Variants in RIOK2 observed in about 807,000 individuals in gnomAD.
RIOK2 encodes the protein serine/threonine-protein kinase RIO2.
Under a neutral mutation model 62.4 loss-of-function variants are expected in RIOK2, and 46 were observed. The observed-to-expected ratio is 0.74, with a 90% CI of 0.58 to 0.94. The LOEUF is 0.94. Among genes scored for constraint, RIOK2 ranks in the 40% least tolerant of loss-of-function variants. RIOK2 has a pLI of 0.00. For synonymous variants in RIOK2, 197 were observed against 216.0 expected, an observed-to-expected ratio of 0.91 and a Z score of 0.77; for missense variants, 574 against 658.0, an observed-to-expected ratio of 0.87 and a Z score of 1.40.
At chr5:97,183,062 C>G in intron 1 of RIOK2, 64 bp downstream of exon 1, 1 of 1,563,154 alleles carries the variant, frequency 6.4e-7, no homozygotes, top group Non-Finnish European at 8.8e-7. Flanking sequence ...AGAAAACTTG[C>G]AGGAACAGGA....
chr5:97,178,834 C>A, intron 2 of RIOK2: 1 of 577,738 alleles, frequency 1.7e-6, no homozygotes, highest in Non-Finnish European at 3.1e-6. Flanking sequence ...TGCTCTTCTG[C>A]AGTACCTACA....
rs181184964 is a variant in RIOK2, at chr5:97,178,781, T to C, written c.205+274A>G. On this transcript the variant is annotated intron_variant, in intron 2 of 9. Transcript: ENST00000283109. ...ACATGCTCTTCTGCAGTACTCTACA[T>C]GCTCTTCTGCAGTACTCTACGTGCT... The C allele has an allele frequency of 5.7e-3, 2,577 of 452,118 alleles. 67 individuals are homozygous for C. The highest frequency in any genetic ancestry group is 0.048 in the African/African-American group (2,404 of 49,670). 28.0% of individuals were successfully genotyped at this position (452,118 alleles called of 1,614,324 possible).
Position 97,163,203 on chromosome 5 carries a change from T to G in RIOK2, c.1517A>C (p.Lys506Thr). 1 of 1,613,618 alleles carries G rather than the reference T, an allele frequency of 6.2e-7. No individual in the cohort carries two copies. The highest frequency in any genetic ancestry group is 8.5e-7 in the Non-Finnish European group (1 of 1,179,876). ...TTTTTGCTGTTTTGTCAACTGACGT[T>G]TCACCTTCTGTTTCACCAGTTCCTG... ...IPPELVKQKV[K>T]RQLTKQQKSA... Residue 506 changes from lysine (K) to threonine (T), a missense_variant, in exon 10 of 10, where the codon AAA (lysine) becomes ACA (threonine). Physicochemically the swap from Lys to Thr is moderately conservative, Grantham distance 78 (BLOSUM62 -1). Transcript: ENST00000283109.
In RIOK2 at chr5:97,175,059, A is replaced by AAAATAAATAAAT. The variant is rs78028300; in HGVS notation, c.499-1808_499-1797dup. Among the ~76,000 whole-genome samples the AAAATAAATAAAT allele has an allele frequency of 5.0e-3, 751 of 151,108 alleles. 4 individuals are homozygous for AAAATAAATAAAT. Among genetic ancestry groups the AAAATAAATAAAT allele is most frequent in the South Asian group, 8.0e-3 (38 of 4,752 alleles). On this transcript the variant is annotated intron_variant, in intron 4 of 9. Transcript: ENST00000283109. ...GGTGACAGAGTGAGACCTTGTCTTG[A>AAAATAAATAAAT]AAATAAATAAATAAATAAATAAATA...
intron 7 of RIOK2, 89 bp from the exon 8 acceptor site, chr5:97,168,080 C>A (rs944173910): frequency 4.8e-5 from 64 of 1,336,210 alleles, no homozygotes; most frequent in Non-Finnish European, 6.0e-5. Context: ...AATTATGATT[C>A]AAGTGAGTTT....
At position 97,177,971 on chromosome 5, in the gene RIOK2, G is replaced by A. The variant is rs1449895068; in HGVS notation, c.206-123C>T. On this transcript the variant is annotated intron_variant, in intron 2 of 9. Transcript: ENST00000283109. ...TCATTGGAAAAAGATAAACTGCCCA[G>A]GCTCACAAGCTTCCAATTTCTTCCT... The A allele has an allele frequency of 5.7e-5, 36 of 627,282 alleles. 1 individual carries two copies. Among genetic ancestry groups the A allele is most frequent in the Non-Finnish European group, 1.0e-4 (36 of 359,420 alleles). 38.9% of individuals were successfully genotyped at this position (627,282 alleles called of 1,614,324 possible).
chr5:97,177,387 G>A (rs1228812426), intron 3 of RIOK2, 96 bp from the exon 4 acceptor site: 1 of 1,194,996 alleles, frequency 8.4e-7, no homozygotes, highest in East Asian at 2.5e-5. Context: ...TATCAAAAAT[G>A]TCATTTTTCC....
Position 97,179,506 on chromosome 5 carries a change from T to A in RIOK2, c.67-313A>T, listed in dbSNP as rs1346912065. ...TAAAAACTACAGATATGCCAGATATTTATTAAGCAGGTATTTAATGAGAAA... is the reference window on the plus strand; with the variant it reads ...TAAAAACTACAGATATGCCAGATATATATTAAGCAGGTATTTAATGAGAAA... On this transcript the variant is annotated intron_variant, in intron 1 of 9. Transcript: ENST00000283109. Among the ~76,000 whole-genome samples, 4 of 152,056 alleles carry A rather than the reference T, an allele frequency of 2.6e-5. No homozygotes were observed. In the East Asian group the frequency reaches 7.7e-4, roughly 29 times the overall value.
Position 97,167,150 on chromosome 5 carries a change from C to T in RIOK2, c.1397+317G>A, listed in dbSNP as rs1053618843. The T allele has an allele frequency of 6.6e-6, 7 of 1,057,754 alleles. No individual in the cohort carries two copies. The South Asian group carries it at 1.9e-4, about 28-fold the overall frequency. The allele number at this position is 1,057,754 out of a possible 1,614,324, so 65.5% of individuals were successfully genotyped here. A position where few individuals can be genotyped will look rare whatever the true frequency, so the allele number is the denominator to read the frequency against. On this transcript the variant is annotated intron_variant, in intron 8 of 9. Transcript: ENST00000283109. ...CTGGCTGGTCTCAAACTCCTGACCT[C>T]AGGTGATTTGCCTGCCTTGGCCTCC...
chr5:97,167,264 A>G, intron 8 of RIOK2: 2 of 1,425,910 alleles, frequency 1.4e-6, no homozygotes, highest in Non-Finnish European at 1.8e-6. Context: ...AATTTAGTCA[A>G]TAGGCTGCCT....
chr5:97,167,608 T>C lies in RIOK2; in HGVS notation c.1256A>G (p.Glu419Gly), dbSNP rs746829973. 79 of 1,614,108 alleles carry C rather than the reference T, an allele frequency of 4.9e-5. 1 individual carries two copies. Among genetic ancestry groups the C allele is most frequent in the Admixed American group, 4.8e-4 (29 of 60,010 alleles). Reference sequence around the variant, plus strand: ...GTTGTAATTTTCAGTTCTGTTTTTCTCCTCAGAAAATTCAGTTACAGAGTT... The same window carrying C: ...GTTGTAATTTTCAGTTCTGTTTTTCCCCTCAGAAAATTCAGTTACAGAGTT... Reference protein sequence around the residue: ...ENNSVTEFSEEKNRTENYNRQ... With the variant: ...ENNSVTEFSEGKNRTENYNRQ... The change falls in exon 8 of 10, where the codon GAG (glutamate) becomes GGG (glycine). Residue 419 changes from glutamate (E) to glycine (G), a missense_variant. By Grantham distance (98) the Glu-to-Gly change is moderately conservative. Coordinates refer to ENST00000283109, the MANE Select transcript of RIOK2 (RefSeq NM_018343.3).
intron 1 of RIOK2, among the ~76,000 whole-genome samples, chr5:97,181,190 T>G (rs1486420014): frequency 6.7e-6 from 1 of 149,994 alleles, no homozygotes; most frequent in African/African-American, 2.5e-5. Context: ...GAGAATCGCT[T>G]GAACCCAGAA....
intron 8 of RIOK2, among the ~76,000 whole-genome samples, chr5:97,165,854 C>T (rs1748831113): frequency 6.6e-6 from 1 of 152,208 alleles, no homozygotes; most frequent in South Asian, 2.1e-4. Context: ...TTGACTGGGC[C>T]TCAGGGTGCC....
chr5:97,178,819 C>T (rs1749254430), intron 2 of RIOK2: 2 of 541,856 alleles, frequency 3.7e-6, no homozygotes, highest in Non-Finnish European at 6.6e-6. Context: ...TCTGCAGTAC[C>T]TACATGCTCT....
intron 9 of RIOK2, 123 bp downstream of exon 9, chr5:97,164,928 A>C (rs1200298350): frequency 2.1e-6 from 1 of 478,874 alleles, no homozygotes; most frequent in African/African-American, 2.0e-5. Context: ...TTTCAAGACA[A>C]GTCAAAAAGC....
chr5:97,172,108 TC>T (rs1749026112), intron 5 of RIOK2, among the ~76,000 whole-genome samples: 1 of 152,212 alleles, frequency 6.6e-6, no homozygotes, highest in Non-Finnish European at 1.5e-5. Context: ...ACCTCTAAAT[TC>T]TGGAGTTCCT....
chr5:97,173,337 C>A (rs574943869), intron 4 of RIOK2, 74 bp from the exon 5 acceptor site: 7 of 928,770 alleles, frequency 7.5e-6, no homozygotes, highest in Non-Finnish European at 1.2e-5. Flanking sequence ...AGTAAATATA[C>A]CTTTCTACAA....
chr5:97,161,300 A>C lies in RIOK2; in HGVS notation c.*1761T>G, dbSNP rs1423562365. 2.0e-5 allele frequency: 3 copies of C among 152,230 alleles called. No homozygotes were observed. Among genetic ancestry groups the C allele is most frequent in the African/African-American group, 7.2e-5 (3 of 41,458 alleles). The allele number at this position is 152,230 out of a possible 1,614,324, so 9.4% of individuals were successfully genotyped here. A position where few individuals can be genotyped will look rare whatever the true frequency, so the allele number is the denominator to read the frequency against. ...CAATATACAGCTTTACATTAGTAAAATTTTGAATTTGTTTTTGTTCATTGT... is the reference window on the plus strand; with the variant it reads ...CAATATACAGCTTTACATTAGTAAACTTTTGAATTTGTTTTTGTTCATTGT... On this transcript the variant is annotated 3_prime_UTR_variant, in exon 10 of 10. Transcript: ENST00000283109.
intron 1 of RIOK2, among the ~76,000 whole-genome samples, chr5:97,180,497 G>A (rs926189151): frequency 2.6e-5 from 4 of 151,930 alleles, no homozygotes; most frequent in Non-Finnish European, 4.4e-5. Flanking sequence ...ATGCAAACGC[G>A]GCTGGAAGAT....
Sources: gnomAD v4.1 joint callset for allele counts (sites outside exome capture counted in the v4.1 genomes callset) on GRCh38, gnomAD v4.1.1 for gene constraint, MANE v1.5 for transcripts, NCBI Gene and HGNC (gene_info 2026-07-23, HGNC 2026-07-21) for gene names.